Variants in CAMK2D observed in about 807,000 individuals in gnomAD.
CAMK2D encodes the protein calcium/calmodulin dependent protein kinase II delta.
Under a neutral mutation model 84.0 loss-of-function variants are expected in CAMK2D, and 37 were observed. The observed-to-expected ratio is 0.44, with a 90% CI of 0.34 to 0.58. The LOEUF (loss-of-function observed/expected upper bound fraction) is 0.58. Among genes scored for constraint, CAMK2D ranks in the 20% least tolerant of loss-of-function variants. CAMK2D has a pLI of 0.02. For missense variants in CAMK2D, 448 were observed against 652.5 expected, an observed-to-expected ratio of 0.69 and a Z score of 3.41; for synonymous variants, 202 against 212.5, an observed-to-expected ratio of 0.95 and a Z score of 0.43.
rs200691829 is a variant in CAMK2D at position 113,457,376 on chromosome 4, A to G, written c.1494T>C (p.Asn498=). The part of the protein sequence containing the change: ...VWHRRDGKWQ[N]VHFHRSGSPT... ...GTGACCCCGAGCGATGAAAATGAAC[A>G]TTCTGCCACTTTCCATCCCGGCGGT... Residue 498 remains asparagine, a synonymous_variant, in exon 19 of 21, where the codon AAT becomes AAC. Transcript: ENST00000511664. 5.5e-5 allele frequency: 89 copies of G among 1,613,796 alleles called. No individual in the cohort carries two copies. In the East Asian group the frequency reaches 1.1e-3, roughly 20 times the overall value.
At chr4:113,596,559 T>C (rs762116856) in intron 4 of CAMK2D, among the ~76,000 whole-genome samples, 2 of 152,170 alleles carry the variant, frequency 1.3e-5, no homozygotes, top group Non-Finnish European at 2.9e-5. Context: ...GCAGAATGGA[T>C]GTTGGGTTCG....
intron 6 of CAMK2D, among the ~76,000 whole-genome samples, chr4:113,547,256 T>C (rs2098585374): frequency 6.6e-6 from 1 of 152,224 alleles, no homozygotes. Context: ...ATAATTTTAC[T>C]AAGTATTTAC....
chr4:113,514,223 G>A (rs1175704929), intron 10 of CAMK2D, among the ~76,000 whole-genome samples: 2 of 152,102 alleles, frequency 1.3e-5, no homozygotes, highest in Non-Finnish European at 2.9e-5. Flanking sequence ...GACCAGCCTG[G>A]CCAACATGGC....
chr4:113,645,537 C>A (rs1368630331), intron 3 of CAMK2D, among the ~76,000 whole-genome samples: 1 of 152,120 alleles, frequency 6.6e-6, no homozygotes, highest in African/African-American at 2.4e-5. Flanking sequence ...GGACAGAGCT[C>A]CCAAGTGACA....
chr4:113,636,991 C>T (rs568842030), intron 3 of CAMK2D, among the ~76,000 whole-genome samples: 2 of 152,304 alleles, frequency 1.3e-5, no homozygotes, highest in African/African-American at 4.8e-5. Flanking sequence ...CCCATCCTTG[C>T]CAGATAAACC....
At chr4:113,569,224 G>T (rs571829513) in intron 4 of CAMK2D, among the ~76,000 whole-genome samples, 5 of 151,920 alleles carry the variant, frequency 3.3e-5, no homozygotes, top group African/African-American at 1.2e-4. Context: ...ATGCATAAAA[G>T]GTTTTTAATT....
At chr4:113,691,399 A>G (rs2099386701) in intron 2 of CAMK2D, among the ~76,000 whole-genome samples, 1 of 152,226 alleles carries the variant, frequency 6.6e-6, no homozygotes, top group Non-Finnish European at 1.5e-5. Flanking sequence ...AGGTAATGCT[A>G]TCTGGCTGAG....
chr4:113,750,867 A>G (rs2099615572), intron 2 of CAMK2D, among the ~76,000 whole-genome samples: 1 of 152,048 alleles, frequency 6.6e-6, no homozygotes, highest in Non-Finnish European at 1.5e-5. Context: ...AATAAAACAA[A>G]CAACTACTTG....
chr4:113,680,448 C>G (rs956480862), intron 2 of CAMK2D, among the ~76,000 whole-genome samples: 28 of 152,116 alleles, frequency 1.8e-4, no homozygotes, highest in African/African-American at 5.1e-4. Flanking sequence ...TGAAGCTGAC[C>G]CTGACTGCTG....
chr4:113,750,108 T>C (rs889489616), intron 2 of CAMK2D, among the ~76,000 whole-genome samples: 2 of 152,230 alleles, frequency 1.3e-5, no homozygotes, highest in Non-Finnish European at 2.9e-5. Flanking sequence ...ACAACATGTA[T>C]GACTGCAATA....
chr4:113,704,438 C>T (rs557257632), intron 2 of CAMK2D, among the ~76,000 whole-genome samples: 22 of 151,400 alleles, frequency 1.5e-4, no homozygotes, highest in Admixed American at 3.3e-4. Flanking sequence ...TTTTATTATC[C>T]CAAATTCATT....
In CAMK2D at chr4:113,566,801, C is replaced by T. The variant is rs928924200; in HGVS notation, c.276-14705G>A. ...CCTGAAACATCATAGCAACCATTCC[C>T]GATCACCCTCTAAATCAGCCATCAG... is the stretch of plus-strand genomic sequence containing the variant. On this transcript the variant is annotated intron_variant, in intron 4 of 20. Coordinates refer to ENST00000511664, the MANE Select transcript of CAMK2D (RefSeq NM_001321571.2). Among the ~76,000 whole-genome samples the T allele has an allele frequency of 7.2e-5, 11 of 152,312 alleles. No individual in the cohort carries two copies. In the East Asian group the frequency reaches 1.5e-3, roughly 21 times the overall value.
chr4:113,730,217 T>A (rs2099561339), intron 2 of CAMK2D, among the ~76,000 whole-genome samples: 1 of 152,244 alleles, frequency 6.6e-6, no homozygotes, highest in African/African-American at 2.4e-5. Flanking sequence ...TCAGATGGCA[T>A]TAACAGCAAA....
chr4:113,476,511 A>T (rs1159379872), intron 16 of CAMK2D, among the ~76,000 whole-genome samples: 1 of 152,186 alleles, frequency 6.6e-6, no homozygotes, highest in Non-Finnish European at 1.5e-5. Context: ...TTTACGGTTT[A>T]ACTTTAAAGC....
chr4:113,730,212 T>C (rs374630861), intron 2 of CAMK2D, among the ~76,000 whole-genome samples: 1 of 152,272 alleles, frequency 6.6e-6, no homozygotes, highest in Non-Finnish European at 1.5e-5. Context: ...ACTTTTCAGA[T>C]GGCATTAACA....
intron 5 of CAMK2D, among the ~76,000 whole-genome samples, chr4:113,549,846 A>G (rs551350397): frequency 6.6e-6 from 1 of 152,306 alleles, no homozygotes; most frequent in African/African-American, 2.4e-5. Flanking sequence ...GATCATGACT[A>G]TGATTTTCTA....
chr4:113,702,128 A>C (rs1002000085), intron 2 of CAMK2D, among the ~76,000 whole-genome samples: 2 of 152,210 alleles, frequency 1.3e-5, no homozygotes, highest in African/African-American at 2.4e-5. Context: ...GCCTGAATAC[A>C]TTCATAATAC....
chr4:113,660,246 C>T (rs572064858), intron 3 of CAMK2D, among the ~76,000 whole-genome samples: 1 of 152,236 alleles, frequency 6.6e-6, no homozygotes, highest in East Asian at 1.9e-4. Flanking sequence ...ACACATATTT[C>T]TGAATTTACT....
Position 113,567,244 on chromosome 4 carries a change from T to C in CAMK2D, c.276-15148A>G, listed in dbSNP as rs1158547322. The stretch of plus-strand genomic sequence containing the variant: ...GCACAGTGGTGCAATCTTGGCTCAC[T>C]GTAACCTCTGCCTCCTGGGTTCAAG... On this transcript the variant is annotated intron_variant, in intron 4 of 20. Coordinates refer to ENST00000511664, the MANE Select transcript of CAMK2D (RefSeq NM_001321571.2). Among the ~76,000 whole-genome samples the C allele has an allele frequency of 2.0e-5, 3 of 150,542 alleles. No individual in the cohort carries two copies. The East Asian group carries it at 5.9e-4, about 30-fold the overall frequency.
Sources: gnomAD v4.1 joint callset for allele counts (sites outside exome capture counted in the v4.1 genomes callset) on GRCh38, gnomAD v4.1.1 for gene constraint, MANE v1.5 for transcripts, NCBI Gene and HGNC (gene_info 2026-07-23, HGNC 2026-07-21) for gene names.